The following MCU variants were observed in gnomAD, a reference collection of about 807,000 sequenced individuals.
MCU encodes mitochondrial calcium uniporter.
MCU carries 12 observed loss-of-function variants against 45.2 expected under a neutral mutation model. That is an observed-to-expected ratio of 0.27 (90% CI 0.17 to 0.43). The LOEUF is 0.43. Ranked by LOEUF, MCU falls within the 20% of genes least tolerant of loss-of-function variation. The pLI, the probability that MCU is intolerant of heterozygous loss-of-function variation, is 1.00. For missense variants in MCU, 324 were observed against 436.7 expected (o/e 0.74, Z 2.30); for synonymous variants, 160 against 165.1 (o/e 0.97, Z 0.24).
At chr10:72,803,959 G>A (rs1386415481) in intron 1 of MCU, among the ~76,000 whole-genome samples, 3 of 133,454 alleles carry the variant, frequency 2.2e-5, no homozygotes, top group Non-Finnish European at 4.7e-5. Flanking sequence ...ACAAGGACCA[G>A]ACATTGTATT....
chr10:72,775,955 C>T (rs1245344070), intron 1 of MCU, among the ~76,000 whole-genome samples: 4 of 151,876 alleles, frequency 2.6e-5, no homozygotes, highest in East Asian at 1.9e-4. Context: ...CCCTGAGACT[C>T]GGAATTTGAG....
chr10:72,878,230 C>T (rs1845647642), intron 6 of MCU, among the ~76,000 whole-genome samples: 1 of 150,750 alleles, frequency 6.6e-6, no homozygotes. Flanking sequence ...GCAGCCCTCC[C>T]TCTTAGCTTC....
intron 1 of MCU, among the ~76,000 whole-genome samples, chr10:72,745,310 CCT>C: frequency 6.6e-6 from 1 of 152,214 alleles, no homozygotes; most frequent in East Asian, 1.9e-4. Context: ...CTCACTGCAA[CCT>C]CTGCTTCCCA....
chr10:72,872,022 C>T (rs1235513959), intron 6 of MCU, among the ~76,000 whole-genome samples: 1 of 152,122 alleles, frequency 6.6e-6, no homozygotes, highest in Non-Finnish European at 1.5e-5. Context: ...AAACTAAACT[C>T]AGAAATCCTC....
intron 1 of MCU, among the ~76,000 whole-genome samples, chr10:72,800,735 A>G (rs1454112780): frequency 6.6e-6 from 1 of 152,174 alleles, no homozygotes; most frequent in Non-Finnish European, 1.5e-5. Context: ...TTGTGTTTGG[A>G]TGATCTTTTT....
chr10:72,837,063 A>G (rs1239893275), intron 2 of MCU, among the ~76,000 whole-genome samples: 1 of 152,194 alleles, frequency 6.6e-6, no homozygotes, highest in African/African-American at 2.4e-5. Context: ...ACCTATATAT[A>G]CTGCTTTTCA....
chr10:72,693,277 C>T (rs770714863), intron 1 of MCU, among the ~76,000 whole-genome samples: 8 of 151,950 alleles, frequency 5.3e-5, no homozygotes, highest in Non-Finnish European at 1.0e-4. Context: ...AGTTCTTAAC[C>T]TAACAAGTCA....
intron 1 of MCU, among the ~76,000 whole-genome samples, chr10:72,823,728 A>G (rs1307312434): frequency 1.3e-5 from 2 of 152,176 alleles, no homozygotes; most frequent in African/African-American, 4.8e-5. Context: ...GAGGCTATCA[A>G]AATTGGTGCA....
intron 1 of MCU, among the ~76,000 whole-genome samples, chr10:72,713,102 A>G (rs1055151811): frequency 6.6e-6 from 1 of 152,234 alleles, no homozygotes; most frequent in African/African-American, 2.4e-5. Flanking sequence ...ATTATTTGAG[A>G]TCTGTACAAT....
intron 1 of MCU, among the ~76,000 whole-genome samples, chr10:72,699,232 C>T (rs1216909730): frequency 1.3e-5 from 2 of 152,024 alleles, no homozygotes; most frequent in African/African-American, 2.4e-5. Context: ...GTTTGCCAGC[C>T]GTAGTGGCTC....
At chr10:72,764,804 T>TATAGCC (rs1187733252) in intron 1 of MCU, among the ~76,000 whole-genome samples, 4 of 152,098 alleles carry the variant, frequency 2.6e-5, no homozygotes, top group African/African-American at 9.7e-5. Flanking sequence ...ATTAAGAGAA[T>TATAGCC]AGGATTTATC....
intron 1 of MCU, among the ~76,000 whole-genome samples, chr10:72,816,533 C>T (rs887143981): frequency 6.6e-6 from 1 of 152,214 alleles, no homozygotes; most frequent in Non-Finnish European, 1.5e-5. Flanking sequence ...AATCCCAGCA[C>T]TCAGGAGGCC....
chr10:72,844,241 G>A (rs1253617948), intron 2 of MCU, among the ~76,000 whole-genome samples: 1 of 152,060 alleles, frequency 6.6e-6, no homozygotes, highest in Non-Finnish European at 1.5e-5. Context: ...ATAAAAATTA[G>A]CTGGGTGTGG....
intron 1 of MCU, chr10:72,767,148 G>C (rs568883380): frequency 1.3e-5 from 2 of 151,934 alleles, no homozygotes; most frequent in East Asian, 3.9e-4. Flanking sequence ...TTGTCTTTTC[G>C]TTATTTTGTG....
rs200035470 is a variant in MCU at position 72,868,762 on chromosome 10, C to T, written c.556C>T (p.Leu186=). 3.7e-6 allele frequency: 6 copies of T among 1,614,176 alleles called. No individual in the cohort carries two copies. The highest frequency in any genetic ancestry group is 3.3e-5 in the Admixed American group (2 of 60,026). ...LNDVKTLVQQ[L]YTTLCIEQHQ... Reference sequence around the variant, plus strand: ...TGATGTAAAGACATTGGTCCAGCAACTATACACCACACTGTGCATTGAGCA... The same window carrying T: ...TGATGTAAAGACATTGGTCCAGCAATTATACACCACACTGTGCATTGAGCA... Residue 186 remains leucine, a synonymous_variant, in exon 5 of 8, where the codon CTA becomes TTA. Coordinates refer to ENST00000373053, the MANE Select transcript of MCU (RefSeq NM_138357.3).
chr10:72,870,670 T>C (rs1845529206), intron 5 of MCU, among the ~76,000 whole-genome samples: 1 of 152,232 alleles, frequency 6.6e-6, no homozygotes, highest in African/African-American at 2.4e-5. Context: ...TTGAGCTGCT[T>C]TAAATCCAGA....
At chr10:72,718,303 G>C (rs370894997) in intron 1 of MCU, among the ~76,000 whole-genome samples, 5 of 152,222 alleles carry the variant, frequency 3.3e-5, no homozygotes, top group African/African-American at 9.6e-5. Context: ...TGATAGTAAT[G>C]GCTCTTCAAT....
At chr10:72,784,300 A>G (rs1013284393) in intron 1 of MCU, among the ~76,000 whole-genome samples, 3 of 152,220 alleles carry the variant, frequency 2.0e-5, no homozygotes, top group Non-Finnish European at 4.4e-5. Context: ...TAATACTGTC[A>G]CGTTTGGAAA....
At chr10:72,828,090 A>G (rs909262997) in intron 1 of MCU, among the ~76,000 whole-genome samples, 8 of 152,236 alleles carry the variant, frequency 5.3e-5, no homozygotes, top group Admixed American at 5.2e-4. Flanking sequence ...GAGTATCCGT[A>G]TAAGCACTGA....
Sources: allele counts gnomAD v4.1 joint callset (sites outside exome capture counted in the v4.1 genomes callset), GRCh38; gene constraint gnomAD v4.1.1; transcripts MANE v1.5; gene names NCBI Gene and HGNC (gene_info 2026-07-23, HGNC 2026-07-21).